The following DOK5 variants were observed in gnomAD, a reference collection of about 807,000 sequenced individuals.
DOK5 encodes docking protein 5.
A neutral mutation model predicts 43.3 loss-of-function variants in DOK5; 27 were observed. The observed-to-expected ratio is 0.62, with a 90% confidence interval of 0.46 to 0.86. The LOEUF (loss-of-function observed/expected upper bound fraction) is 0.86. Ranked by LOEUF, DOK5 falls within the 40% of genes least tolerant of loss-of-function variation. The probability of loss-of-function intolerance (pLI) is 0.00; values close to 1 mark genes in which losing one functional copy is unlikely to be tolerated. For synonymous variants in DOK5, 146 were observed against 140.1 expected (o/e 1.04, Z -0.30); for missense variants, 373 against 392.9 (o/e 0.95, Z 0.43).
intron 1 of DOK5, among the ~76,000 whole-genome samples, chr20:54,552,621 A>G (rs1442538713): frequency 6.6e-6 from 1 of 152,162 alleles, no homozygotes; most frequent in Non-Finnish European, 1.5e-5. Context: ...GATATATTAC[A>G]TTATATATTG....
chr20:54,496,071 G>A (rs373939249), intron 1 of DOK5, among the ~76,000 whole-genome samples: 459 of 152,220 alleles, frequency 3.0e-3, no homozygotes, highest in African/African-American at 0.01. Context: ...CGTTTTATTG[G>A]CATTAAATTT....
chr20:54,564,258 C>T (rs184856232), intron 2 of DOK5, among the ~76,000 whole-genome samples: 3 of 152,066 alleles, frequency 2.0e-5, no homozygotes, highest in Non-Finnish European at 4.4e-5. Context: ...CCCGTCTCTA[C>T]TAAAAAAAAT....
At chr20:54,552,128 A>G (rs953689134) in intron 1 of DOK5, among the ~76,000 whole-genome samples, 2 of 152,212 alleles carry the variant, frequency 1.3e-5, no homozygotes, top group African/African-American at 4.8e-5. Flanking sequence ...TTGCCCAGCC[A>G]TACAGTATTA....
chr20:54,575,092 G>A (rs147742098), intron 2 of DOK5, among the ~76,000 whole-genome samples: 9 of 152,302 alleles, frequency 5.9e-5, no homozygotes, highest in African/African-American at 2.2e-4. Flanking sequence ...TTTAGAAGAA[G>A]CACAGGGAAT....
intron 1 of DOK5, among the ~76,000 whole-genome samples, chr20:54,506,292 G>A (rs1208149730): frequency 1.3e-5 from 2 of 152,168 alleles, no homozygotes; most frequent in Non-Finnish European, 2.9e-5. Flanking sequence ...TCAAGGTTAA[G>A]AGTCAGAATC....
At chr20:54,541,279 C>CAA (rs1238401213) in intron 1 of DOK5, among the ~76,000 whole-genome samples, 1 of 152,174 alleles carries the variant, frequency 6.6e-6, no homozygotes, top group Non-Finnish European at 1.5e-5. Flanking sequence ...TCACCCCCTG[C>CAA]AATGTTTGTT....
At chr20:54,491,204 C>T (rs1982161305) in intron 1 of DOK5, among the ~76,000 whole-genome samples, 1 of 152,194 alleles carries the variant, frequency 6.6e-6, no homozygotes, top group Non-Finnish European at 1.5e-5. Context: ...TAACCACAAG[C>T]ACTGAGCGGG....
At chr20:54,549,010 C>T (rs1265188762) in intron 1 of DOK5, among the ~76,000 whole-genome samples, 4 of 152,184 alleles carry the variant, frequency 2.6e-5, no homozygotes, top group Admixed American at 6.5e-5. Flanking sequence ...CAGCTCATGC[C>T]GCTCTGTTTC....
At chr20:54,507,858 C>T (rs1341778839) in intron 1 of DOK5, among the ~76,000 whole-genome samples, 2 of 152,126 alleles carry the variant, frequency 1.3e-5, no homozygotes, top group African/African-American at 4.8e-5. Context: ...TATTTGGGGC[C>T]AGTTCTGGTA....
intron 1 of DOK5, among the ~76,000 whole-genome samples, chr20:54,525,041 T>G (rs1257448857): frequency 6.6e-6 from 1 of 152,218 alleles, no homozygotes. Flanking sequence ...GCGGAAGTTC[T>G]TACCCTGCTC....
chr20:54,574,099 C>T (rs528238983), intron 2 of DOK5, among the ~76,000 whole-genome samples: 12 of 152,252 alleles, frequency 7.9e-5, no homozygotes, highest in South Asian at 2.1e-4. Flanking sequence ...AAAGGCGAGC[C>T]GGACCGCCTT....
At chr20:54,629,099 C>T (rs1308624121) in intron 6 of DOK5, among the ~76,000 whole-genome samples, 1 of 152,244 alleles carries the variant, frequency 6.6e-6, no homozygotes, top group African/African-American at 2.4e-5. Context: ...CTTTGAATTT[C>T]CCCTGGTTTT....
At chr20:54,548,740 G>A (rs905184099) in intron 1 of DOK5, among the ~76,000 whole-genome samples, 10 of 152,160 alleles carry the variant, frequency 6.6e-5, no homozygotes, top group Admixed American at 2.6e-4. Context: ...ACTCTTAAGC[G>A]AATGGGATTA....
At position 54,563,664 on chromosome 20, in the gene DOK5, G is replaced by GTT. The variant is rs76886127; in HGVS notation, c.174+8645_174+8646dup. 9.8e-3 allele frequency among the ~76,000 whole-genome samples: 1,116 copies of GTT among 114,274 alleles called. 3 individuals are homozygous for GTT. Among genetic ancestry groups the GTT allele is most frequent in the Middle Eastern group, 0.024 (5 of 208 alleles). The allele number at this position is 114,274 out of a possible 152,430, so 75.0% of individuals were successfully genotyped here. A position where few individuals can be genotyped will look rare whatever the true frequency, so the allele number is the denominator to read the frequency against. ...TGCTTTTCTCTTCTCTATTTGTCAG[G>GTT]TTTTTTTTTTTTTTTTTTTTTTACT... is the stretch of plus-strand genomic sequence containing the variant. On this transcript the variant is annotated intron_variant, in intron 2 of 7. Coordinates refer to ENST00000262593, the MANE Select transcript of DOK5 (RefSeq NM_018431.5).
At chr20:54,570,785 T>C (rs1985258303) in intron 2 of DOK5, among the ~76,000 whole-genome samples, 1 of 152,222 alleles carries the variant, frequency 6.6e-6, no homozygotes, top group African/African-American at 2.4e-5. Flanking sequence ...CCCATTGTAG[T>C]AATCTTTTTG....
chr20:54,632,531 T>TA (rs1967158637), intron 6 of DOK5, among the ~76,000 whole-genome samples: 1 of 152,216 alleles, frequency 6.6e-6, no homozygotes, highest in African/African-American at 2.4e-5. Context: ...AAGCGAGAAC[T>TA]ATTTTCTCTC....
At chr20:54,612,048 T>C (rs1376238092) in intron 6 of DOK5, among the ~76,000 whole-genome samples, 1 of 152,244 alleles carries the variant, frequency 6.6e-6, no homozygotes, top group African/African-American at 2.4e-5. Context: ...TGGCCATGTC[T>C]CAAAACAAAC....
chr20:54,573,284 T>C (rs1025027919), intron 2 of DOK5, among the ~76,000 whole-genome samples: 1 of 152,084 alleles, frequency 6.6e-6, no homozygotes, highest in Non-Finnish European at 1.5e-5. Context: ...GAAGAGCAAG[T>C]GCAAAGCCCG....
chr20:54,614,970 A>C (rs2031846161), intron 6 of DOK5, among the ~76,000 whole-genome samples: 1 of 152,216 alleles, frequency 6.6e-6, no homozygotes, highest in South Asian at 2.1e-4. Flanking sequence ...TACATTCCCC[A>C]CTAGGAATTG....
Sources: allele counts gnomAD v4.1 joint callset (sites outside exome capture counted in the v4.1 genomes callset), GRCh38; gene constraint gnomAD v4.1.1; transcripts MANE v1.5; gene names NCBI Gene and HGNC (gene_info 2026-07-23, HGNC 2026-07-21).